Variants in PRSS12 observed in about 807,000 individuals in gnomAD.
PRSS12 encodes neurotrypsin.
Under a neutral mutation model 104.4 loss-of-function variants are expected in PRSS12, and 85 were observed. That is an observed-to-expected ratio of 0.81 (90% CI 0.68 to 0.98). PRSS12 has a LOEUF of 0.98. PRSS12 is among the 50% of genes least tolerant of loss of function. The pLI, the probability that PRSS12 is intolerant of heterozygous loss-of-function variation, is 0.00. For synonymous variants in PRSS12, 454 were observed against 425.2 expected, an observed-to-expected ratio of 1.07 and a Z score of -0.83; for missense variants, 1,141 against 1,139.2, an observed-to-expected ratio of 1.00 and a Z score of -0.02.
Position 118,352,869 on chromosome 4 carries a change from C to G in PRSS12, c.-149G>C. On this transcript the variant is annotated 5_prime_UTR_variant, in exon 1 of 13. Transcript: ENST00000296498. ...ACGCGGACCGCCCTCGCCTCCCCAACCTTGCCTCCCGCCGCTGGTGCCCTG... is the reference window on the plus strand; with the variant it reads ...ACGCGGACCGCCCTCGCCTCCCCAAGCTTGCCTCCCGCCGCTGGTGCCCTG... The G allele has an allele frequency of 7.0e-7, 1 of 1,431,902 alleles. No individual in the cohort carries two copies. Among genetic ancestry groups the G allele is most frequent in the African/African-American group, 1.5e-5 (1 of 67,746 alleles). The allele number at this position is 1,431,902 out of a possible 1,614,324, so 88.7% of individuals were successfully genotyped here.
intron 11 of PRSS12, among the ~76,000 whole-genome samples, chr4:118,290,697 G>T (rs1023413554): frequency 6.6e-6 from 1 of 151,940 alleles, no homozygotes; most frequent in Non-Finnish European, 1.5e-5. Flanking sequence ...ACTCCAAGAG[G>T]TTAAATAATT....
chr4:118,311,921 A>C (rs1308480231), intron 7 of PRSS12, among the ~76,000 whole-genome samples: 1 of 152,158 alleles, frequency 6.6e-6, no homozygotes, highest in East Asian at 1.9e-4. Flanking sequence ...AACACCTGCT[A>C]TCTGGGGCTG....
chr4:118,329,701 A>C (rs532099187), intron 4 of PRSS12, among the ~76,000 whole-genome samples: 1 of 152,332 alleles, frequency 6.6e-6, no homozygotes, highest in South Asian at 2.1e-4. Context: ...CTTGATAGCC[A>C]ATGTATATGG....
intron 11 of PRSS12, among the ~76,000 whole-genome samples, chr4:118,291,821 A>C (rs1189008526): frequency 6.6e-6 from 1 of 152,152 alleles, no homozygotes; most frequent in Non-Finnish European, 1.5e-5. Flanking sequence ...GTCTTATTAA[A>C]GTTGCAGGAC....
chr4:118,341,569 C>G (rs1724209639), intron 1 of PRSS12, among the ~76,000 whole-genome samples: 1 of 152,074 alleles, frequency 6.6e-6, no homozygotes, highest in Non-Finnish European at 1.5e-5. Flanking sequence ...GTAATCCCAG[C>G]TACTTGGGAG....
At chr4:118,297,475 C>A (rs1743279265) in intron 9 of PRSS12, among the ~76,000 whole-genome samples, 1 of 151,580 alleles carries the variant, frequency 6.6e-6, no homozygotes, top group Non-Finnish European at 1.5e-5. Context: ...CTGGCCAAAT[C>A]ATTCACATAT....
intron 1 of PRSS12, among the ~76,000 whole-genome samples, chr4:118,347,051 G>A (rs1251353050): frequency 6.6e-6 from 1 of 151,422 alleles, no homozygotes; most frequent in Non-Finnish European, 1.5e-5. Context: ...AAAGGCAATA[G>A]TAACGGGATA....
chr4:118,282,157 T>C lies in PRSS12; in HGVS notation c.2407A>G (p.Thr803Ala), dbSNP rs769102059. The change falls in exon 13 of 13, where the codon ACA becomes GCA. Residue 803 changes from threonine to alanine, a missense_variant. Physicochemically the swap from Thr to Ala is moderately conservative, Grantham distance 58 (BLOSUM62 0). Transcript: ENST00000296498. Reference sequence around the variant, plus strand: ...TTTCCAGCACAAAGCATTCTCCCTGTAAACCGACCCTTATAACGTTCTTCA... The same window carrying C: ...TTTCCAGCACAAAGCATTCTCCCTGCAAACCGACCCTTATAACGTTCTTCA... ...FCEERYKGRF[T>A]GRMLCAGNLH... 7 of 1,614,094 alleles carry C rather than the reference T, an allele frequency of 4.3e-6. No homozygotes were observed. The highest frequency in any genetic ancestry group is 2.7e-5 in the African/African-American group (2 of 74,926).
intron 3 of PRSS12, among the ~76,000 whole-genome samples, chr4:118,334,823 T>G (rs1330204556): frequency 6.6e-6 from 1 of 152,178 alleles, no homozygotes; most frequent in East Asian, 1.9e-4. Flanking sequence ...TATGGTGGCT[T>G]CAGGTTGTGA....
At chr4:118,298,140 C>CA (rs889038925) in intron 9 of PRSS12, among the ~76,000 whole-genome samples, 2,521 of 59,506 alleles carry the variant, frequency 0.042, 46 homozygotes, top group East Asian at 0.16. Flanking sequence ...TCCGTCTCAA[C>CA]AAAAAAAAAA....
chr4:118,315,511 G>A (rs1743882244), intron 6 of PRSS12, among the ~76,000 whole-genome samples: 1 of 152,040 alleles, frequency 6.6e-6, no homozygotes, highest in African/African-American at 2.4e-5. Context: ...ATTACTTCAA[G>A]CATGACAGAG....
chr4:118,299,808 T>TAAAATAAATAAAATAAATA (rs1189816114), intron 8 of PRSS12, among the ~76,000 whole-genome samples: 2 of 91,686 alleles, frequency 2.2e-5, no homozygotes, highest in East Asian at 3.3e-4. Flanking sequence ...TAAAATAAAA[T>TAAAATAAATAAAATAAATA]AAATAAAATA....
In PRSS12 at chr4:118,282,269, T is replaced by A. The variant is rs780162093; in HGVS notation, c.2321-26A>T. On this transcript the variant is annotated intron_variant, in intron 12 of 12. Coordinates refer to ENST00000296498, the MANE Select transcript of PRSS12 (RefSeq NM_003619.4). Reference sequence around the variant, plus strand: ...CTACTCAGACCAAACATCTGATTAGTGGCATTCCAGATAACCATCGCAACA... The same window carrying A: ...CTACTCAGACCAAACATCTGATTAGAGGCATTCCAGATAACCATCGCAACA... 31 of 1,613,450 alleles carry A rather than the reference T, an allele frequency of 1.9e-5. 1 individual carries two copies. The Admixed American group carries it at 5.0e-4, about 26-fold the overall frequency.
In PRSS12 at chr4:118,294,930, G is replaced by A; in HGVS notation, c.2039+9C>T. The A allele has an allele frequency of 1.2e-6, 2 of 1,613,902 alleles. No individual in the cohort carries two copies. The highest frequency in any genetic ancestry group is 1.7e-6 in the Non-Finnish European group (2 of 1,179,936). ...CTACACTAGGTTGTTTGGGAAGGTGGACACATACCTCTTGAAACAGTGTGC... is the reference window on the plus strand; with the variant it reads ...CTACACTAGGTTGTTTGGGAAGGTGAACACATACCTCTTGAAACAGTGTGC... On this transcript the variant is annotated intron_variant, in intron 11 of 12. Coordinates refer to ENST00000296498, the MANE Select transcript of PRSS12 (RefSeq NM_003619.4).
chr4:118,352,665 A>C lies in PRSS12; in HGVS notation c.56T>G (p.Val19Gly), dbSNP rs772331683. 6.2e-7 allele frequency: 1 copy of C among 1,613,228 alleles called. No homozygotes were observed. Among genetic ancestry groups the C allele is most frequent in the Non-Finnish European group, 8.5e-7 (1 of 1,179,604 alleles). The change falls in exon 1 of 13, where the codon GTC becomes GGC. Residue 19 changes from valine (V) to glycine (G), a missense_variant. By Grantham distance (109) the Val-to-Gly change is moderately radical (BLOSUM62 -3). Transcript: ENST00000296498. ...ALMLGALPEV[V>G]GFDSVLNDSL... is the part of the protein sequence containing the mutation. Reference sequence around the variant, plus strand: ...ATCATTGAGGACAGAATCAAAGCCGACCACTTCGGGGAGCGCCCCTAACAT... The same window carrying C: ...ATCATTGAGGACAGAATCAAAGCCGCCCACTTCGGGGAGCGCCCCTAACAT...
chr4:118,305,410 CAACA>C (rs1255413920), intron 8 of PRSS12, among the ~76,000 whole-genome samples: 1 of 151,978 alleles, frequency 6.6e-6, no homozygotes. Flanking sequence ...TTGAAAGCTG[CAACA>C]AACTTTGTTC....
At position 118,298,741 on chromosome 4, in the gene PRSS12, C is replaced by T. The variant is rs938689371; in HGVS notation, c.1829G>A (p.Ser610Asn). ...TCCAGAAGGTGACTTACCTTTATTA[C>T]TGTTACCTGAGGCCTTCTTGCCAAA... ...DYFGKKASGN[S>N]NKESLSSVCG... Residue 610 changes from serine (S) to asparagine (N), a missense_variant, in exon 9 of 13, where the codon AGT becomes AAT. Coordinates refer to ENST00000296498, the MANE Select transcript of PRSS12 (RefSeq NM_003619.4). 1 of 1,614,158 alleles carries T rather than the reference C, an allele frequency of 6.2e-7. No individual in the cohort carries two copies. Among genetic ancestry groups the T allele is most frequent in the South Asian group, 1.1e-5 (1 of 91,082 alleles).
intron 11 of PRSS12, among the ~76,000 whole-genome samples, chr4:118,285,102 G>A (rs1742985709): frequency 6.6e-6 from 1 of 152,110 alleles, no homozygotes; most frequent in Non-Finnish European, 1.5e-5. Flanking sequence ...ACTAAACAGT[G>A]CAATAAAGAT....
rs1742850915 is a variant in PRSS12 at position 118,281,490 on chromosome 4, T to C, written c.*446A>G. On this transcript the variant is annotated 3_prime_UTR_variant, in exon 13 of 13. Coordinates refer to ENST00000296498, the MANE Select transcript of PRSS12 (RefSeq NM_003619.4). The stretch of plus-strand genomic sequence containing the variant: ...GAGAATATGAAGATTTCTTGTCAAG[T>C]CTTTTGAAAAGACCTAAGCATAAAT... The C allele has an allele frequency of 1.1e-5, 2 of 189,822 alleles. No individual in the cohort carries two copies. The highest frequency in any genetic ancestry group is 1.1e-4 in the Admixed American group (2 of 18,816). The allele number at this position is 189,822 out of a possible 1,614,324, so 11.8% of individuals were successfully genotyped here.
Sources: gnomAD v4.1 joint callset for allele counts (sites outside exome capture counted in the v4.1 genomes callset) on GRCh38, gnomAD v4.1.1 for gene constraint, MANE v1.5 for transcripts, NCBI Gene and HGNC (gene_info 2026-07-23, HGNC 2026-07-21) for gene names.